Variants in CDH7 observed in about 807,000 individuals in gnomAD.
The protein encoded by CDH7 is cadherin-7.
CDH7 carries 25 observed loss-of-function variants against 71.8 expected under a neutral mutation model. The ratio of observed to expected loss-of-function variants is 0.35; its 90% CI spans 0.25 to 0.49. CDH7 has a LOEUF of 0.49. Ranked by LOEUF, CDH7 falls within the 20% of genes least tolerant of loss-of-function variation. The pLI is 0.99. For missense variants in CDH7, 862 were observed against 974.6 expected (o/e 0.88, Z 1.54); for synonymous variants, 381 against 363.8 (o/e 1.05, Z -0.54).
chr18:65,773,274 T>C (rs968334337), intron 2 of CDH7, among the ~76,000 whole-genome samples: 1 of 152,186 alleles, frequency 6.6e-6, no homozygotes, highest in Non-Finnish European at 1.5e-5. Context: ...GTAATGATTT[T>C]ATCAAATTAT....
chr18:65,845,709 TG>T (rs2143996707), intron 7 of CDH7, among the ~76,000 whole-genome samples: 1 of 152,118 alleles, frequency 6.6e-6, no homozygotes, highest in South Asian at 2.1e-4. Flanking sequence ...TTCATAAAGT[TG>T]GAGATATGGA....
chr18:65,849,293 G>A (rs1913046426), intron 7 of CDH7, among the ~76,000 whole-genome samples: 1 of 151,778 alleles, frequency 6.6e-6, no homozygotes, highest in Non-Finnish European at 1.5e-5. Flanking sequence ...GATAATTTTT[G>A]TAGGTTAAAT....
chr18:65,876,726 G>C (rs948677542), intron 11 of CDH7, among the ~76,000 whole-genome samples: 1 of 152,064 alleles, frequency 6.6e-6, no homozygotes, highest in Non-Finnish European at 1.5e-5. Context: ...TTATTTTAAT[G>C]TTTGGATCAA....
chr18:65,753,526 G>C (rs1223865956), intron 1 of CDH7, among the ~76,000 whole-genome samples: 1 of 152,206 alleles, frequency 6.6e-6, no homozygotes, highest in Non-Finnish European at 1.5e-5. Context: ...GAAGTTTCAG[G>C]AACTTCTAAA....
chr18:65,830,691 C>T (rs1238823858), intron 6 of CDH7, among the ~76,000 whole-genome samples: 1 of 136,196 alleles, frequency 7.3e-6, no homozygotes, highest in Non-Finnish European at 1.5e-5. Context: ...CTTTCTTTTC[C>T]TTCTCTTTCT....
chr18:65,782,098 CCTTCCTTCCT>C (rs1568182460), intron 2 of CDH7, among the ~76,000 whole-genome samples: 30 of 51,380 alleles, frequency 5.8e-4, no homozygotes, highest in Non-Finnish European at 7.8e-4. Flanking sequence ...TTCCTTCCTT[CCTTCCTTCCT>C]TCTTTCTTTC....
chr18:65,840,338 A>G (rs1385016906), intron 6 of CDH7, among the ~76,000 whole-genome samples: 1 of 152,134 alleles, frequency 6.6e-6, no homozygotes, highest in East Asian at 1.9e-4. Context: ...TTGATTCCAG[A>G]CTTGAAGTGG....
chr18:65,812,625 G>A (rs1911583336), intron 3 of CDH7, among the ~76,000 whole-genome samples: 1 of 152,078 alleles, frequency 6.6e-6, no homozygotes, highest in Non-Finnish European at 1.5e-5. Context: ...TAAGCCTTTA[G>A]GATACTTTAT....
At chr18:65,862,215 T>C (rs1205561588) in intron 10 of CDH7, among the ~76,000 whole-genome samples, 4 of 149,034 alleles carry the variant, frequency 2.7e-5, no homozygotes, top group Non-Finnish European at 5.9e-5. Context: ...GATTTTACCC[T>C]TTTTAAATAT....
Position 65,762,937 on chromosome 18 carries a change from C to T in CDH7, c.95C>T (p.Ser32Phe), listed in dbSNP as rs774947306. The T allele has an allele frequency of 2.5e-6, 4 of 1,613,618 alleles. No individual in the cohort carries two copies. Among genetic ancestry groups the T allele is most frequent in the Non-Finnish European group, 3.4e-6 (4 of 1,179,794 alleles). The part of the protein sequence containing the change: ...SGMSQAELSR[S>F]RSKPYFQSGR... ...ATGAGTCAAGCAGAACTCTCAAGGT[C>T]CAGATCAAAGCCCTATTTCCAATCA... The change falls in exon 2 of 12, where the codon TCC becomes TTC. Residue 32 changes from serine (S) to phenylalanine (F), a missense_variant. Ser to Phe is a radical substitution (Grantham distance 155). Transcript: ENST00000397968.
chr18:65,787,292 C>A (rs901365191), intron 2 of CDH7, among the ~76,000 whole-genome samples: 5 of 152,074 alleles, frequency 3.3e-5, no homozygotes, highest in Non-Finnish European at 7.3e-5. Flanking sequence ...ATTATTAGAA[C>A]TTGATTGAGG....
intron 1 of CDH7, among the ~76,000 whole-genome samples, chr18:65,760,807 C>T (rs1916169228): frequency 6.6e-6 from 1 of 152,176 alleles, no homozygotes; most frequent in Non-Finnish European, 1.5e-5. Context: ...ATTCTCATCT[C>T]ATCACTGGAC....
chr18:65,787,297 T>G (rs184752315), intron 2 of CDH7, among the ~76,000 whole-genome samples: 2 of 152,130 alleles, frequency 1.3e-5, no homozygotes, highest in African/African-American at 4.8e-5. Flanking sequence ...TAGAACTTGA[T>G]TGAGGGGTGG....
intron 6 of CDH7, among the ~76,000 whole-genome samples, chr18:65,837,789 G>A (rs1912583518): frequency 6.6e-6 from 1 of 152,062 alleles, no homozygotes; most frequent in South Asian, 2.1e-4. Context: ...TAAAGGGGAT[G>A]TATTTTGCTT....
chr18:65,863,201 C>G (rs1279033144), intron 11 of CDH7: 1 of 441,900 alleles, frequency 2.3e-6, no homozygotes, highest in Non-Finnish European at 4.1e-6. Context: ...CCACACCCAG[C>G]TAACTTTTGT....
chr18:65,773,036 A>C (rs1916591263), intron 2 of CDH7, among the ~76,000 whole-genome samples: 1 of 152,126 alleles, frequency 6.6e-6, no homozygotes, highest in African/African-American at 2.4e-5. Context: ...GGGTACATCG[A>C]TAAAGTCCAG....
chr18:65,889,787 A>C lies in CDH7; in HGVS notation c.*8893A>C, dbSNP rs1483192310. On this transcript the variant is annotated 3_prime_UTR_variant, in exon 12 of 12. Coordinates refer to ENST00000397968, the MANE Select transcript of CDH7 (RefSeq NM_004361.5). ...GGAACTTGTGAAGCTAAAAAATAGA[A>C]TGCAATAAATTAGCTAGTCTGCCAC... 6.6e-6 allele frequency: 1 copy of C among 152,236 alleles called. No individual in the cohort carries two copies. Among genetic ancestry groups the C allele is most frequent in the Middle Eastern group, 3.2e-3 (1 of 316 alleles). The allele number at this position is 152,236 out of a possible 1,614,324, so 9.4% of individuals were successfully genotyped here.
chr18:65,881,917 A>G lies in CDH7; in HGVS notation c.*1023A>G, dbSNP rs1458843903. ...CAAGGACATATAAATTGTTCTTCTG[A>G]GCCATTAGAATGTCAAAACATTGGA... On this transcript the variant is annotated 3_prime_UTR_variant, in exon 12 of 12. Transcript: ENST00000397968. The G allele has an allele frequency of 6.6e-6, 1 of 152,174 alleles. No homozygotes were observed. The highest frequency in any genetic ancestry group is 1.5e-5 in the Non-Finnish European group (1 of 68,012). The allele number at this position is 152,174 out of a possible 1,614,324, so 9.4% of individuals were successfully genotyped here.
chr18:65,825,375 G>A (rs1029313718), intron 6 of CDH7, among the ~76,000 whole-genome samples: 5 of 151,764 alleles, frequency 3.3e-5, no homozygotes, highest in East Asian at 1.9e-4. Context: ...TCTACAGAGC[G>A]AGTGTGAAAG....
Sources: allele counts gnomAD v4.1 joint callset (sites outside exome capture counted in the v4.1 genomes callset), GRCh38; gene constraint gnomAD v4.1.1; transcripts MANE v1.5; gene names NCBI Gene and HGNC (gene_info 2026-07-23, HGNC 2026-07-21).